MAGEC3: variants seen among roughly 807,000 people sequenced by gnomAD.
MAGEC3 encodes the protein MAGE family member C3.
Under a neutral mutation model 35.3 loss-of-function variants are expected in MAGEC3, and 34 were observed. The ratio of observed to expected loss-of-function variants is 0.96; its 90% CI spans 0.73 to 1.28. The LOEUF is 1.28. Ranked by LOEUF, MAGEC3 falls within the 50% of genes most tolerant of loss-of-function variation. The pLI, the probability that MAGEC3 is intolerant of heterozygous loss-of-function variation, is 0.00. For synonymous variants in MAGEC3, 202 were observed against 185.6 expected, an observed-to-expected ratio of 1.09 and a Z score of -0.72; for missense variants, 561 against 483.6, an observed-to-expected ratio of 1.16 and a Z score of -1.50.
chrX:141,847,006 C>A (rs1006502790), intron 1 of MAGEC3, among the ~76,000 whole-genome samples: 2 of 111,018 alleles, frequency 1.8e-5, no homozygotes, highest in African/African-American at 6.5e-5. Context: ...GCAATTACCC[C>A]AGTGCATTAT....
chrX:141,878,795 G>T, intron 2 of MAGEC3, among the ~76,000 whole-genome samples: 1 of 112,029 alleles, frequency 8.9e-6, no homozygotes, highest in Non-Finnish European at 1.9e-5. Flanking sequence ...CTTCGTCTTG[G>T]GGGGCGTCTC....
chrX:141,854,065 G>C (rs2017766382), intron 1 of MAGEC3, among the ~76,000 whole-genome samples: 1 of 111,230 alleles, frequency 9.0e-6, no homozygotes, highest in Non-Finnish European at 1.9e-5. Context: ...TAAGTTGGCA[G>C]ATTATTTTGA....
At chrX:141,890,471 T>C (rs934721178) in intron 4 of MAGEC3, among the ~76,000 whole-genome samples, 1 of 105,529 alleles carries the variant, frequency 9.5e-6, no homozygotes, top group Non-Finnish European at 1.9e-5. Flanking sequence ...TCTCCCAAAC[T>C]GCTGGAATTA....
intron 2 of MAGEC3, among the ~76,000 whole-genome samples, chrX:141,876,033 T>A: frequency 8.9e-6 from 1 of 112,361 alleles, no homozygotes; most frequent in East Asian, 2.8e-4. Context: ...GTCAGCCTTT[T>A]TTGGAATCTC....
chrX:141,882,328 A>G (rs908155959), intron 4 of MAGEC3, among the ~76,000 whole-genome samples: 2 of 112,006 alleles, frequency 1.8e-5, no homozygotes, highest in Non-Finnish European at 3.8e-5. Flanking sequence ...TTTTAATAGT[A>G]GGTTGAATTA....
intron 4 of MAGEC3, among the ~76,000 whole-genome samples, chrX:141,888,341 T>C (rs1367186476): frequency 1.8e-5 from 2 of 112,328 alleles, no homozygotes; most frequent in Admixed American, 9.4e-5. Context: ...CTTCGAGCAG[T>C]GCACCTGGTT....
intron 1 of MAGEC3, among the ~76,000 whole-genome samples, chrX:141,840,350 A>G (rs2017678733): frequency 8.9e-6 from 1 of 112,442 alleles, no homozygotes; most frequent in East Asian, 2.8e-4. Flanking sequence ...ATAAAATATC[A>G]TTTAATTTTA....
chrX:141,838,981 T>C (rs1371245326), intron 1 of MAGEC3: 1 of 392,740 alleles, frequency 2.5e-6, no homozygotes, highest in Admixed American at 9.2e-5. Flanking sequence ...CAGCGGGAGC[T>C]TTCTCCCTGA....
Position 141,838,622 on chromosome X carries a change from T to C in MAGEC3, c.123+184T>C, listed in dbSNP as rs186777856. 6.7e-5 allele frequency: 49 copies of C among 735,842 alleles called. No individual in the cohort carries two copies. The East Asian group carries it at 5.1e-3, about 76-fold the overall frequency. The allele number at this position is 735,842 out of a possible 1,213,427, so 60.6% of individuals were successfully genotyped here. On this transcript the variant is annotated intron_variant, in intron 1 of 7. Coordinates refer to ENST00000298296, the MANE Select transcript of MAGEC3 (RefSeq NM_138702.1). ...TTCCCTTGGTTGCAGTAGCCTGTGGTCGCTCATGTCTGAATCTCCAGGGAA... is the reference window on the plus strand; with the variant it reads ...TTCCCTTGGTTGCAGTAGCCTGTGGCCGCTCATGTCTGAATCTCCAGGGAA...
chrX:141,849,276 TAACTC>T (rs2017736126), intron 1 of MAGEC3, among the ~76,000 whole-genome samples: 1 of 110,995 alleles, frequency 9.0e-6, no homozygotes, highest in Non-Finnish European at 1.9e-5. Flanking sequence ...ATATAGAAAT[TAACTC>T]AAGATGAATT....
rs2017859744 is a variant in MAGEC3 at position 141,867,882 on chromosome X, G to C, written c.258+2277G>C. Among the ~76,000 whole-genome samples, 4 of 112,027 alleles carry C rather than the reference G, an allele frequency of 3.6e-5. No individual in the cohort carries two copies. The Admixed American group carries it at 3.8e-4, about 11-fold the overall frequency. ...TCACGCCTGTAATTCCAGCACTTTG[G>C]GAGGCCAAGGCGGGCGGATCATGAG... is the stretch of plus-strand genomic sequence containing the variant. On this transcript the variant is annotated intron_variant, in intron 2 of 7. Coordinates refer to ENST00000298296, the MANE Select transcript of MAGEC3 (RefSeq NM_138702.1).
chrX:141,840,428 G>T (rs1367540371), intron 1 of MAGEC3, among the ~76,000 whole-genome samples: 1 of 111,822 alleles, frequency 8.9e-6, no homozygotes, highest in Non-Finnish European at 1.9e-5. Context: ...TTTAGCACAA[G>T]ATTTTGCATT....
In MAGEC3 at chrX:141,876,231, TC is replaced by T. The variant is rs978691726; in HGVS notation, c.259-2939del. On this transcript the variant is annotated intron_variant, in intron 2 of 7. Transcript: ENST00000298296. Reference sequence around the variant, plus strand: ...TCAGGTTTCTGTCATCAACACAACATCCCCCATTCATGACTTTCTGGAGTAG... The same window carrying T: ...TCAGGTTTCTGTCATCAACACAACATCCCCATTCATGACTTTCTGGAGTAG... Among the ~76,000 whole-genome samples the T allele has an allele frequency of 6.3e-5, 7 of 111,790 alleles. 1 individual carries two copies. Among genetic ancestry groups the T allele is most frequent in the Admixed American group, 3.8e-4 (4 of 10,536 alleles).
chrX:141,877,943 C>T (rs768869813), intron 2 of MAGEC3, among the ~76,000 whole-genome samples: 2 of 111,739 alleles, frequency 1.8e-5, no homozygotes, highest in Non-Finnish European at 3.8e-5. Context: ...TTTTAACAAA[C>T]ATTCTTTATT....
chrX:141,896,849 C>G, intron 6 of MAGEC3, 33 bp from the exon 7 acceptor site: 2 of 1,200,671 alleles, frequency 1.7e-6, no homozygotes, highest in Non-Finnish European at 2.2e-6. Context: ...TTGTCCTCAC[C>G]CTTACCCTCT....
intron 1 of MAGEC3, among the ~76,000 whole-genome samples, chrX:141,864,054 A>T (rs2017832360): frequency 1.8e-5 from 2 of 111,675 alleles, no homozygotes; most frequent in South Asian, 7.5e-4. Context: ...TCAATAGTTG[A>T]TTCCTCCTTG....
chrX:141,894,673 G>GC, intron 4 of MAGEC3: 1 of 970,293 alleles, frequency 1.0e-6, no homozygotes, highest in African/African-American at 2.0e-5. Flanking sequence ...AGAGAAAGGA[G>GC]CCCCGGGGCT....
chrX:141,867,890 A>C (rs182133428), intron 2 of MAGEC3, among the ~76,000 whole-genome samples: 1 of 112,183 alleles, frequency 8.9e-6, no homozygotes, highest in African/African-American at 3.2e-5. Flanking sequence ...TGGGAGGCCA[A>C]GGCGGGCGGA....
At chrX:141,872,842 TA>T (rs1189127501) in intron 2 of MAGEC3, among the ~76,000 whole-genome samples, 1 of 111,728 alleles carries the variant, frequency 9.0e-6, no homozygotes, top group African/African-American at 3.3e-5. Flanking sequence ...CCCTTCAGGT[TA>T]GTTGTCCTCC....
Sources: allele counts gnomAD v4.1 joint callset (sites outside exome capture counted in the v4.1 genomes callset), GRCh38; gene constraint gnomAD v4.1.1; transcripts MANE v1.5; gene names NCBI Gene and HGNC (gene_info 2026-07-23, HGNC 2026-07-21).